Variants in FSHR observed in about 807,000 individuals in gnomAD.
The protein encoded by FSHR is follicle stimulating hormone receptor, also known as follicle-stimulating hormone receptor.
Under a neutral mutation model 52.1 loss-of-function variants are expected in FSHR, and 46 were observed. The ratio of observed to expected loss-of-function variants is 0.88; its 90% CI spans 0.70 to 1.13. The LOEUF is 1.13. FSHR is among the 50% of genes most tolerant of loss of function. The probability of loss-of-function intolerance (pLI) is 0.00; values close to 1 mark genes in which losing one functional copy is unlikely to be tolerated. For missense variants in FSHR, 964 were observed against 834.6 expected, an observed-to-expected ratio of 1.16 and a Z score of -1.91; for synonymous variants, 399 against 309.6, an observed-to-expected ratio of 1.29 and a Z score of -3.03.
At chr2:49,104,129 G>T (rs1671141044) in intron 1 of FSHR, among the ~76,000 whole-genome samples, 1 of 152,122 alleles carries the variant, frequency 6.6e-6, no homozygotes, top group Non-Finnish European at 1.5e-5. Context: ...CCTGGAGGAA[G>T]ATTAGAGTAG....
At chr2:49,108,423 C>A (rs574822151) in intron 1 of FSHR, among the ~76,000 whole-genome samples, 3 of 152,038 alleles carry the variant, frequency 2.0e-5, no homozygotes, top group Non-Finnish European at 4.4e-5. Flanking sequence ...ATATCCATAC[C>A]TGGGTTTATT....
chr2:48,984,800 T>C (rs1675414894), intron 6 of FSHR, among the ~76,000 whole-genome samples: 1 of 152,208 alleles, frequency 6.6e-6, no homozygotes, highest in Non-Finnish European at 1.5e-5. Context: ...TGCATATTAC[T>C]GTCCTGTAAA....
At chr2:49,087,081 T>TTTTTGTTTTG (rs1553342909) in intron 1 of FSHR, among the ~76,000 whole-genome samples, 1 of 145,218 alleles carries the variant, frequency 6.9e-6, no homozygotes, top group African/African-American at 2.5e-5. Context: ...TTTTTTTTTT[T>TTTTTGTTTTG]TTTTTTTTTT....
At chr2:49,149,019 C>A (rs1029844349) in intron 1 of FSHR, among the ~76,000 whole-genome samples, 1 of 151,608 alleles carries the variant, frequency 6.6e-6, no homozygotes, top group East Asian at 1.9e-4. Context: ...TTATATAATC[C>A]AGGATTTAGA....
intron 2 of FSHR, among the ~76,000 whole-genome samples, chr2:49,050,191 T>C (rs2104300100): frequency 6.6e-6 from 1 of 152,316 alleles, no homozygotes; most frequent in Middle Eastern, 3.4e-3. Context: ...TAATAACTGC[T>C]TAATTGGCCC....
chr2:49,104,633 A>G (rs1315132041), intron 1 of FSHR, among the ~76,000 whole-genome samples: 1 of 152,214 alleles, frequency 6.6e-6, no homozygotes, highest in Non-Finnish European at 1.5e-5. Flanking sequence ...TCCAAAGGGC[A>G]TGTAGAGTGG....
At chr2:49,071,341 C>A (rs181856492) in intron 1 of FSHR, among the ~76,000 whole-genome samples, 6 of 151,954 alleles carry the variant, frequency 3.9e-5, no homozygotes. Flanking sequence ...AGACTATCTT[C>A]AAATAAAAAA....
chr2:49,020,259 G>A, intron 2 of FSHR, 99 bp from the exon 3 acceptor site: 2 of 1,033,612 alleles, frequency 1.9e-6, no homozygotes, highest in South Asian at 2.6e-5. Context: ...GGATTCACAA[G>A]ACACACAAAA....
chr2:49,130,040 G>A (rs1377958544), intron 1 of FSHR, among the ~76,000 whole-genome samples: 1 of 152,146 alleles, frequency 6.6e-6, no homozygotes, highest in Non-Finnish European at 1.5e-5. Flanking sequence ...AAAGGACTGT[G>A]ACGTCTTTAA....
chr2:48,965,146 A>C (rs566646470), intron 9 of FSHR, among the ~76,000 whole-genome samples: 1 of 152,120 alleles, frequency 6.6e-6, no homozygotes, highest in African/African-American at 2.4e-5. Context: ...CCTTCTTAAG[A>C]AGGAAAAAGG....
chr2:48,997,142 T>C, intron 4 of FSHR: 3 of 843,540 alleles, frequency 3.6e-6, no homozygotes, highest in Non-Finnish European at 4.3e-6. Context: ...TCCAGTGGTC[T>C]CTCTAGCTTC....
intron 8 of FSHR, among the ~76,000 whole-genome samples, chr2:48,982,364 G>C (rs1165766744): frequency 6.6e-6 from 1 of 152,156 alleles, no homozygotes; most frequent in Non-Finnish European, 1.5e-5. Flanking sequence ...CATCCCAAGG[G>C]ATTTGGAAAG....
intron 2 of FSHR, among the ~76,000 whole-genome samples, chr2:49,056,848 T>A (rs1168488011): frequency 1.3e-5 from 2 of 151,656 alleles, no homozygotes; most frequent in Non-Finnish European, 2.9e-5. Context: ...AACCTAGAAA[T>A]CAATAACAAG....
chr2:49,141,023 G>A (rs1222717910), intron 1 of FSHR, among the ~76,000 whole-genome samples: 1 of 152,106 alleles, frequency 6.6e-6, no homozygotes, highest in African/African-American at 2.4e-5. Flanking sequence ...TGTGTAAAAG[G>A]CAAAATAAAG....
chr2:49,000,834 G>C (rs1666850121), intron 4 of FSHR, among the ~76,000 whole-genome samples: 1 of 152,148 alleles, frequency 6.6e-6, no homozygotes, highest in South Asian at 2.1e-4. Flanking sequence ...TTTGAGCTGA[G>C]TGAGAGGCTG....
At chr2:49,066,879 C>T (rs1173066834) in intron 2 of FSHR, among the ~76,000 whole-genome samples, 2 of 152,094 alleles carry the variant, frequency 1.3e-5, no homozygotes, top group African/African-American at 2.4e-5. Flanking sequence ...GTCATTTAGT[C>T]TATGTTAGCT....
chr2:49,033,037 T>C (rs958188531), intron 2 of FSHR, among the ~76,000 whole-genome samples: 1 of 152,226 alleles, frequency 6.6e-6, no homozygotes, highest in African/African-American at 2.4e-5. Context: ...TAATTATGTT[T>C]TCCTCTGTCA....
chr2:49,049,103 A>G (rs3913665), intron 2 of FSHR, among the ~76,000 whole-genome samples: 84,262 of 151,602 alleles, frequency 0.56, 24,217 homozygotes, highest in East Asian at 0.75. Flanking sequence ...GAGCAGAGCC[A>G]CAAGGATATT....
At chr2:49,053,570 C>T (rs1668946466) in intron 2 of FSHR, among the ~76,000 whole-genome samples, 1 of 152,028 alleles carries the variant, frequency 6.6e-6, no homozygotes, top group Non-Finnish European at 1.5e-5. Context: ...TTTTTTCCCC[C>T]CACAAAGTCT....
Sources: allele counts gnomAD v4.1 joint callset (sites outside exome capture counted in the v4.1 genomes callset), GRCh38; gene constraint gnomAD v4.1.1; transcripts MANE v1.5; gene names NCBI Gene and HGNC (gene_info 2026-07-23, HGNC 2026-07-21).